ADD2: variants seen among roughly 807,000 people sequenced by gnomAD.
ADD2 encodes the protein beta-adducin.
Under a neutral mutation model 83.0 loss-of-function variants are expected in ADD2, and 23 were observed. That is an observed-to-expected ratio of 0.28 (90% confidence interval 0.20 to 0.39). The LOEUF (loss-of-function observed/expected upper bound fraction) is 0.39, where lower values mean the gene tolerates loss of function less well. Among genes scored for constraint, ADD2 ranks in the 10% least tolerant of loss-of-function variants. The pLI is 1.00. For missense variants in ADD2, 758 were observed against 944.9 expected (o/e 0.80, Z 2.59); for synonymous variants, 375 against 375.4 (o/e 1.00, Z 0.01).
chr2:70,724,122 A>G (rs1672865972), intron 1 of ADD2, among the ~76,000 whole-genome samples: 2 of 152,346 alleles, frequency 1.3e-5, no homozygotes, highest in African/African-American at 2.4e-5. Context: ...TCTTGTGGAA[A>G]CATGTACCTT....
chr2:70,742,269 A>T (rs1184200455), intron 1 of ADD2, among the ~76,000 whole-genome samples: 4 of 152,166 alleles, frequency 2.6e-5, no homozygotes, highest in Admixed American at 6.5e-5. Context: ...TTTTTTAGAG[A>T]GTAAAACCCA....
Position 70,672,895 on chromosome 2 carries a change from G to A in ADD2, c.1853C>T (p.Pro618Leu). The A allele has an allele frequency of 1.2e-6, 2 of 1,612,782 alleles. No homozygotes were observed. The highest frequency in any genetic ancestry group is 1.7e-6 in the Non-Finnish European group (2 of 1,179,570). The change falls in exon 15 of 16, where the codon CCT (proline) becomes CTT (leucine). Residue 618 changes from proline (P) to leucine (L), a missense_variant. This residue lies in a region of ADD2 where 165 missense variants were observed against 176.2 expected (regional missense o/e 0.94). Transcript: ENST00000264436. ...EAETKSPLVS[P>L]SKSLEEGTKK... Reference sequence around the variant, plus strand: ...GGACTCACCCTCTAAAGACTTGGAAGGAGAGACTAAAGGGCTCTTTGTCTC... The same window carrying A: ...GGACTCACCCTCTAAAGACTTGGAAAGAGAGACTAAAGGGCTCTTTGTCTC...
In ADD2 at chr2:70,672,998, C is replaced by G; in HGVS notation, c.1750G>C (p.Glu584Gln). The G allele has an allele frequency of 1.2e-6, 2 of 1,612,896 alleles. No individual in the cohort carries two copies. Among genetic ancestry groups the G allele is most frequent in the South Asian group, 2.2e-5 (2 of 90,822 alleles). The change falls in exon 15 of 16, where the codon GAA becomes CAA. Residue 584 changes from glutamate to glutamine, a missense_variant. Glu to Gln is a conservative substitution (Grantham distance 29). Coordinates refer to ENST00000264436, the MANE Select transcript of ADD2 (RefSeq NM_001617.4). ...RKKLELDGEK[E>Q]TAPEEPGSPA... ...GAGCCAGGCTCTTCTGGGGCAGTTT[C>G]TTTCTCTCCTGAAAAAACAGAAAAA...
chr2:70,727,303 C>T (rs928251289), intron 1 of ADD2, among the ~76,000 whole-genome samples: 15 of 152,142 alleles, frequency 9.9e-5, no homozygotes, highest in African/African-American at 3.6e-4. Context: ...CCCAACACTC[C>T]CCAACATGTG....
chr2:70,669,548 T>C (rs1451884860), intron 15 of ADD2, among the ~76,000 whole-genome samples: 1 of 152,242 alleles, frequency 6.6e-6, no homozygotes, highest in Non-Finnish European at 1.5e-5. Flanking sequence ...ACAGCTAGGA[T>C]ACAAATGTTC....
intron 1 of ADD2, among the ~76,000 whole-genome samples, chr2:70,745,077 G>A (rs1241891849): frequency 3.9e-5 from 6 of 152,080 alleles, no homozygotes; most frequent in South Asian, 2.1e-4. Context: ...TTGAGGTCAG[G>A]AGATCGAGAC....
At position 70,682,412 on chromosome 2, in the gene ADD2, T is replaced by C. The variant is rs114252111; in HGVS notation, c.1125+1179A>G. 2.8e-3 allele frequency among the ~76,000 whole-genome samples: 430 copies of C among 152,346 alleles called. 3 individuals are homozygous for C. Among genetic ancestry groups the C allele is most frequent in the African/African-American group, 9.4e-3 (390 of 41,576 alleles). ...GGAGTTGCATTTTCACTGTGGATTG[T>C]ACCTTTCATTATTATAAAGCGGCCC... On this transcript the variant is annotated intron_variant, in intron 10 of 15. Transcript: ENST00000264436.
chr2:70,725,200 A>G (rs1433227310), intron 1 of ADD2, among the ~76,000 whole-genome samples: 1 of 152,164 alleles, frequency 6.6e-6, no homozygotes, highest in Non-Finnish European at 1.5e-5. Context: ...TCCATGTAAA[A>G]CACTTAGGAT....
At chr2:70,704,582 C>T in intron 3 of ADD2, 123 bp from the exon 4 acceptor site, 1 of 1,182,680 alleles carries the variant, frequency 8.5e-7, no homozygotes. Context: ...GCTCAGGGTC[C>T]CCAGCTACAG....
intron 15 of ADD2, among the ~76,000 whole-genome samples, chr2:70,669,730 G>C (rs1302772074): frequency 6.6e-6 from 1 of 152,234 alleles, no homozygotes; most frequent in African/African-American, 2.4e-5. Flanking sequence ...AAAGACTTAA[G>C]AAGGCCTAGC....
chr2:70,675,418 G>T, intron 13 of ADD2: 1 of 985,540 alleles, frequency 1.0e-6, no homozygotes, highest in Non-Finnish European at 1.2e-6. Context: ...TGCCTGTACC[G>T]CAGGTCCCTG....
chr2:70,748,120 T>C (rs1416222630), intron 1 of ADD2, among the ~76,000 whole-genome samples: 3 of 152,112 alleles, frequency 2.0e-5, no homozygotes, highest in South Asian at 2.1e-4. Context: ...GGCATGGAGA[T>C]GGCACAACCT....
At chr2:70,720,069 A>C (rs7592290) in intron 1 of ADD2, among the ~76,000 whole-genome samples, 47,837 of 152,016 alleles carry the variant, frequency 0.31, 8,264 homozygotes, top group African/African-American at 0.47. Context: ...TCATTTGGCA[A>C]ATTAAGGTTG....
chr2:70,668,446 A>T (rs1208153479), intron 15 of ADD2, among the ~76,000 whole-genome samples: 1 of 152,038 alleles, frequency 6.6e-6, no homozygotes, highest in South Asian at 2.1e-4. Context: ...CTGTAAACCC[A>T]CTGCTCACAT....
chr2:70,701,247 A>G (rs2104365112), intron 4 of ADD2, among the ~76,000 whole-genome samples: 1 of 152,252 alleles, frequency 6.6e-6, no homozygotes, highest in East Asian at 1.9e-4. Flanking sequence ...AAGGAGTTCA[A>G]TACTCAGAAA....
chr2:70,743,399 C>A (rs782683801), intron 1 of ADD2, among the ~76,000 whole-genome samples: 1 of 152,180 alleles, frequency 6.6e-6, no homozygotes, highest in African/African-American at 2.4e-5. Context: ...CACCTCTGGT[C>A]GAAAGGAAAA....
chr2:70,673,727 T>G (rs1044537560), intron 14 of ADD2, among the ~76,000 whole-genome samples: 1 of 152,128 alleles, frequency 6.6e-6, no homozygotes, highest in South Asian at 2.1e-4. Context: ...CTCCTGAGTA[T>G]CTGAGATTTT....
At chr2:70,740,076 C>T (rs1050797479) in intron 1 of ADD2, among the ~76,000 whole-genome samples, 1 of 151,690 alleles carries the variant, frequency 6.6e-6, no homozygotes, top group East Asian at 1.9e-4. Context: ...TAAATATGCA[C>T]CAGGAAAAAA....
At chr2:70,717,059 C>T (rs1480449149) in intron 1 of ADD2, among the ~76,000 whole-genome samples, 1 of 152,118 alleles carries the variant, frequency 6.6e-6, no homozygotes, top group Non-Finnish European at 1.5e-5. Flanking sequence ...TTGAGCACCC[C>T]CTCACCTCCC....
Sources: gnomAD v4.1 joint callset for allele counts (sites outside exome capture counted in the v4.1 genomes callset) on GRCh38, gnomAD v4.1.1 for gene constraint, gnomAD v4.1.1 regional missense constraint, MANE v1.5 for transcripts, NCBI Gene and HGNC (gene_info 2026-07-23, HGNC 2026-07-21) for gene names.